Variants in PARN observed in about 807,000 individuals in gnomAD.
PARN encodes the protein poly(A)-specific ribonuclease, also known as poly(A)-specific ribonuclease PARN.
A neutral mutation model predicts 102.8 loss-of-function variants in PARN; 71 were observed. The ratio of observed to expected loss-of-function variants is 0.69; its 90% CI spans 0.57 to 0.84. The LOEUF is 0.84. Ranked by LOEUF, PARN falls within the 40% of genes least tolerant of loss-of-function variation. The probability of loss-of-function intolerance (pLI) is 0.00; values close to 1 mark genes in which losing one functional copy is unlikely to be tolerated. For synonymous variants in PARN, 261 were observed against 252.9 expected (o/e 1.03, Z -0.30); for missense variants, 782 against 760.9 (o/e 1.03, Z -0.33).
At position 14,610,682 on chromosome 16, in the gene PARN, C is replaced by A. The variant is rs749033458; in HGVS notation, c.516G>T (p.Thr172=). ...VSPNTSKCPV[T]IPEDQKKFID... is the part of the protein sequence containing the mutation. ...TAAACTTCTTTTGATCCTCAGGAAT[C>A]GTGACAGGACATTTTGAAGTGTTAG... is the stretch of plus-strand genomic sequence containing the variant. The change falls in exon 7 of 24, where the codon ACG becomes ACT. Residue 172 remains threonine, a synonymous_variant. Coordinates refer to ENST00000437198, the MANE Select transcript of PARN (RefSeq NM_002582.4). 1.7e-5 allele frequency: 28 copies of A among 1,610,816 alleles called. No homozygotes were observed. Among genetic ancestry groups the A allele is most frequent in the East Asian group, 2.2e-5 (1 of 44,860 alleles).
intron 6 of PARN, among the ~76,000 whole-genome samples, chr16:14,616,839 G>C (rs1971933347): frequency 6.6e-6 from 1 of 152,080 alleles, no homozygotes; most frequent in Non-Finnish European, 1.5e-5. Flanking sequence ...CTGGAAAAGA[G>C]GGTTTTCATT....
chr16:14,496,457 T>C (rs552311820), intron 21 of PARN, among the ~76,000 whole-genome samples: 1 of 152,288 alleles, frequency 6.6e-6, no homozygotes, highest in Non-Finnish European at 1.5e-5. Flanking sequence ...CTTCTTTTTT[T>C]AAAAGATGAA....
intron 5 of PARN, among the ~76,000 whole-genome samples, chr16:14,620,099 C>T (rs550550684): frequency 1.5e-5 from 2 of 134,008 alleles, no homozygotes; most frequent in African/African-American, 5.7e-5. Flanking sequence ...AAACACTGGC[C>T]GGGCACAGTG....
intron 23 of PARN, among the ~76,000 whole-genome samples, chr16:14,444,227 C>A (rs143963335): frequency 6.6e-6 from 1 of 152,034 alleles, no homozygotes; most frequent in African/African-American, 2.4e-5. Context: ...GGGTCTTGCT[C>A]GATGAATGGT....
At chr16:14,584,274 C>A in intron 16 of PARN, 73 bp downstream of exon 16, 1 of 1,084,450 alleles carries the variant, frequency 9.2e-7, no homozygotes. Flanking sequence ...CAGAGCCATT[C>A]TGCTTTTCTT....
chr16:14,533,996 C>T (rs1966497372), intron 21 of PARN, among the ~76,000 whole-genome samples: 1 of 152,102 alleles, frequency 6.6e-6, no homozygotes, highest in Non-Finnish European at 1.5e-5. Context: ...CTGAGGCAGG[C>T]AAACTGCTTG....
At chr16:14,468,803 A>T (rs1962525224) in intron 22 of PARN, among the ~76,000 whole-genome samples, 1 of 151,956 alleles carries the variant, frequency 6.6e-6, no homozygotes, top group Admixed American at 6.6e-5. Context: ...GCTGCTTGGG[A>T]GGCTGAGGTG....
intron 11 of PARN, among the ~76,000 whole-genome samples, chr16:14,602,843 A>G (rs1047851050): frequency 6.6e-6 from 1 of 151,990 alleles, no homozygotes; most frequent in Non-Finnish European, 1.5e-5. Context: ...GCTGCAGAGT[A>G]TCAAAGCCCT....
intron 21 of PARN, among the ~76,000 whole-genome samples, chr16:14,532,225 G>C (rs1289105221): frequency 1.3e-4 from 19 of 150,318 alleles, no homozygotes; most frequent in Admixed American, 2.0e-4. Flanking sequence ...TTCTCGCAGA[G>C]GGGGATTTGG....
At chr16:14,473,772 G>T (rs776646111) in intron 22 of PARN, among the ~76,000 whole-genome samples, 2 of 152,174 alleles carry the variant, frequency 1.3e-5, no homozygotes, top group African/African-American at 2.4e-5. Flanking sequence ...AAATAGCAGT[G>T]GACAGTTGTG....
intron 3 of PARN, 94 bp from the exon 4 acceptor site, chr16:14,627,430 A>T (rs765515538): frequency 1.3e-6 from 1 of 790,820 alleles, no homozygotes; most frequent in Non-Finnish European, 2.2e-6. Flanking sequence ...GAATTACTCA[A>T]TGAGACTTCA....
At chr16:14,504,978 A>G (rs1370651512) in intron 21 of PARN, among the ~76,000 whole-genome samples, 1 of 152,254 alleles carries the variant, frequency 6.6e-6, no homozygotes, top group Non-Finnish European at 1.5e-5. Context: ...GTGCAGTGCT[A>G]TGGAGAAAAC....
In PARN at chr16:14,627,293, A is replaced by AAT. The variant is rs1470059741; in HGVS notation, c.220_221insAT (p.Phe74TyrfsTer12). 1 of 1,595,034 alleles carries AAT rather than the reference A, an allele frequency of 6.3e-7. No homozygotes were observed. Among genetic ancestry groups the AAT allele is most frequent in the Non-Finnish European group, 8.5e-7 (1 of 1,170,158 alleles). ...CTTTGAATCTGTGTAGTCATACTTA[A>AAT]AAGTGCAAAGGCCAAACTGAAATAG... On this transcript the variant is annotated frameshift_variant, in exon 4 of 24. Coordinates refer to ENST00000437198, the MANE Select transcript of PARN (RefSeq NM_002582.4). LOFTEE classifies it high-confidence loss of function.
At chr16:14,534,543 TC>T (rs34039683) in intron 21 of PARN, among the ~76,000 whole-genome samples, 1 of 151,880 alleles carries the variant, frequency 6.6e-6, no homozygotes, top group Non-Finnish European at 1.5e-5. Context: ...TGAGTTCATT[TC>T]CCCCCCTACA....
intron 6 of PARN, among the ~76,000 whole-genome samples, chr16:14,614,242 C>G (rs1387751833): frequency 6.7e-6 from 1 of 149,976 alleles, no homozygotes; most frequent in Non-Finnish European, 1.5e-5. Flanking sequence ...GGTGACAAAG[C>G]AACATCTTGT....
chr16:14,474,405 A>C (rs2151587832), intron 22 of PARN, among the ~76,000 whole-genome samples: 1 of 152,332 alleles, frequency 6.6e-6, no homozygotes, highest in African/African-American at 2.4e-5. Context: ...CTAAACTAAA[A>C]ATTCCACTAT....
chr16:14,615,900 C>CA (rs755459165), intron 6 of PARN, among the ~76,000 whole-genome samples: 2,024 of 84,110 alleles, frequency 0.024, 39 homozygotes, highest in African/African-American at 0.066. Context: ...GATTCTGTCT[C>CA]AAAAAAAAAA....
chr16:14,518,490 T>C (rs1965573510), intron 21 of PARN, among the ~76,000 whole-genome samples: 1 of 151,856 alleles, frequency 6.6e-6, no homozygotes, highest in African/African-American at 2.4e-5. Context: ...CTATGCCATA[T>C]TACTACTGTC....
intron 21 of PARN, among the ~76,000 whole-genome samples, chr16:14,527,669 T>C (rs965496693): frequency 6.6e-6 from 1 of 152,218 alleles, no homozygotes; most frequent in Non-Finnish European, 1.5e-5. Context: ...ACTGAACTCA[T>C]GGCCAAGAGC....
Sources: gnomAD v4.1 joint callset for allele counts (sites outside exome capture counted in the v4.1 genomes callset) on GRCh38, gnomAD v4.1.1 for gene constraint, MANE v1.5 for transcripts, NCBI Gene and HGNC (gene_info 2026-07-23, HGNC 2026-07-21) for gene names.